PRORP: variants seen among roughly 807,000 people sequenced by gnomAD.
The protein encoded by PRORP is protein only RNase P catalytic subunit, also known as mitochondrial ribonuclease P catalytic subunit.
PRORP carries 51 observed loss-of-function variants against 59.4 expected under a neutral mutation model. The observed-to-expected ratio is 0.86, with a 90% CI of 0.69 to 1.08. The LOEUF is 1.08. PRORP is among the 50% of genes least tolerant of loss of function. The pLI is 0.00. For missense variants in PRORP, 646 were observed against 690.3 expected, an observed-to-expected ratio of 0.94 and a Z score of 0.72; for synonymous variants, 231 against 245.6, an observed-to-expected ratio of 0.94 and a Z score of 0.55.
chr14:35,214,133 C>T (rs2049524585), intron 5 of PRORP, among the ~76,000 whole-genome samples: 1 of 152,094 alleles, frequency 6.6e-6, no homozygotes, highest in Admixed American at 6.5e-5. Flanking sequence ...GTGAGTCATC[C>T]TTCAAATAAG....
At chr14:35,205,237 A>G (rs1218268239) in intron 5 of PRORP, among the ~76,000 whole-genome samples, 1 of 152,220 alleles carries the variant, frequency 6.6e-6, no homozygotes, top group Non-Finnish European at 1.5e-5. Flanking sequence ...GCTGGAGTAC[A>G]GTGGCATGAT....
intron 5 of PRORP, among the ~76,000 whole-genome samples, chr14:35,241,393 A>G (rs932084278): frequency 6.6e-6 from 1 of 151,878 alleles, no homozygotes; most frequent in African/African-American, 2.4e-5. Flanking sequence ...AAAAAAAAGT[A>G]TACGAGGATG....
intron 5 of PRORP, among the ~76,000 whole-genome samples, chr14:35,224,666 A>G (rs527338645): frequency 6.6e-6 from 1 of 152,362 alleles, no homozygotes; most frequent in African/African-American, 2.4e-5. Flanking sequence ...AAAATACCTA[A>G]TGAGCATAAA....
intron 4 of PRORP, among the ~76,000 whole-genome samples, chr14:35,167,491 T>G (rs941090334): frequency 1.9e-4 from 29 of 152,334 alleles, no homozygotes; most frequent in East Asian, 1.7e-3. Flanking sequence ...TTCTCTTTAG[T>G]TTACAGTACT....
At chr14:35,158,922 C>T (rs533306921) in intron 4 of PRORP, 27 of 320,812 alleles carry the variant, frequency 8.4e-5, no homozygotes, top group African/African-American at 1.3e-4. Flanking sequence ...TTCCCACCAC[C>T]GTAAGTGTGA....
rs184626184 is a variant in PRORP, at chr14:35,124,891, G to A, written c.986+660G>A. ...TCTCCCTTTTTTTTTTTTTTGAGAC[G>A]GAGTTTTGCTCTTGTTGCCAGGCTA... On this transcript the variant is annotated intron_variant, in intron 2 of 7. Coordinates refer to ENST00000534898, the MANE Select transcript of PRORP (RefSeq NM_014672.4). Among the ~76,000 whole-genome samples, 228 of 144,872 alleles carry A rather than the reference G, an allele frequency of 1.6e-3. 1 individual carries two copies. The highest frequency in any genetic ancestry group is 7.1e-3 in the Middle Eastern group (2 of 282).
intron 5 of PRORP, 73 bp downstream of exon 5, chr14:35,180,850 G>C (rs766104824): frequency 5.1e-5 from 49 of 957,232 alleles, no homozygotes; most frequent in Non-Finnish European, 7.7e-5. Flanking sequence ...ACCTTCTTGG[G>C]GCTCTTAGCT....
intron 4 of PRORP, among the ~76,000 whole-genome samples, chr14:35,160,828 A>T (rs945482326): frequency 2.0e-5 from 3 of 152,232 alleles, no homozygotes; most frequent in Non-Finnish European, 2.9e-5. Context: ...GTAATCCTTA[A>T]GGATGCACTA....
intron 5 of PRORP, among the ~76,000 whole-genome samples, chr14:35,249,063 A>G (rs1178464985): frequency 6.6e-6 from 1 of 152,200 alleles, no homozygotes; most frequent in Non-Finnish European, 1.5e-5. Context: ...TTTTCCCTAA[A>G]GTGGTCTTGC....
chr14:35,173,468 T>A (rs2048369390), intron 4 of PRORP, among the ~76,000 whole-genome samples: 1 of 152,192 alleles, frequency 6.6e-6, no homozygotes, highest in African/African-American at 2.4e-5. Flanking sequence ...TGGAATCTTC[T>A]CCAAGCATGT....
At chr14:35,135,055 T>C (rs1418624607) in intron 4 of PRORP, among the ~76,000 whole-genome samples, 1 of 152,196 alleles carries the variant, frequency 6.6e-6, no homozygotes, top group African/African-American at 2.4e-5. Context: ...TGCTTTCTGC[T>C]ATAACAGGGC....
chr14:35,216,702 G>A lies in PRORP; in HGVS notation c.1275+35925G>A, dbSNP rs147041444. 2.6e-3 allele frequency among the ~76,000 whole-genome samples: 393 copies of A among 152,280 alleles called. 3 individuals are homozygous for A. The highest frequency in any genetic ancestry group is 9.0e-3 in the African/African-American group (376 of 41,562). ...AGTTCATATAGTAATTCTTCTATTA[G>A]GTTTTTGAGAAACTGTCAGACTTTT... On this transcript the variant is annotated intron_variant, in intron 5 of 7. Coordinates refer to ENST00000534898, the MANE Select transcript of PRORP (RefSeq NM_014672.4).
At chr14:35,220,695 GTTC>G (rs2049751087) in intron 5 of PRORP, among the ~76,000 whole-genome samples, 1 of 152,030 alleles carries the variant, frequency 6.6e-6, no homozygotes, top group Admixed American at 6.6e-5. Flanking sequence ...TCCTGAGTCT[GTTC>G]TTTTCCAAGA....
At chr14:35,266,013 C>CAAA (rs35304125) in intron 5 of PRORP, among the ~76,000 whole-genome samples, 4 of 117,114 alleles carry the variant, frequency 3.4e-5, no homozygotes, top group African/African-American at 9.2e-5. Context: ...CCATCTCTAC[C>CAAA]AAAAAAAAAA....
At chr14:35,127,425 C>A in intron 3 of PRORP, 54 bp from the exon 4 acceptor site, 1 of 1,336,158 alleles carries the variant, frequency 7.5e-7, no homozygotes, top group Non-Finnish European at 9.9e-7. Flanking sequence ...ATTTTTTTCC[C>A]CAGAACATTA....
intron 5 of PRORP, among the ~76,000 whole-genome samples, chr14:35,209,963 C>A (rs1040672677): frequency 6.6e-6 from 1 of 152,152 alleles, no homozygotes; most frequent in Non-Finnish European, 1.5e-5. Flanking sequence ...CTCTGATTTT[C>A]ACTAGAGCAC....
intron 5 of PRORP, among the ~76,000 whole-genome samples, chr14:35,247,861 A>G (rs1330960873): frequency 1.3e-5 from 2 of 152,204 alleles, no homozygotes; most frequent in Admixed American, 6.5e-5. Context: ...ATGTTTGGAG[A>G]AAAGTCACAC....
chr14:35,121,926 C>T (rs1303227207), upstream of PRORP: 1 of 1,614,164 alleles, frequency 6.2e-7, no homozygotes, highest in South Asian at 1.1e-5. Context: ...TTGGGCGTCG[C>T]TAGGCGCCGA....
chr14:35,182,418 GT>G (rs1481275461), intron 5 of PRORP, among the ~76,000 whole-genome samples: 5 of 152,094 alleles, frequency 3.3e-5, no homozygotes, highest in African/African-American at 7.2e-5. Context: ...GCCAAGGCGG[GT>G]GGATCACCTG....
Sources: allele counts gnomAD v4.1 joint callset (sites outside exome capture counted in the v4.1 genomes callset), GRCh38; gene constraint gnomAD v4.1.1; transcripts MANE v1.5; gene names NCBI Gene and HGNC (gene_info 2026-07-23, HGNC 2026-07-21).